CREB5: variants seen among roughly 807,000 people sequenced by gnomAD.
CREB5 encodes the protein cyclic AMP-responsive element-binding protein 5.
Under a neutral mutation model 57.1 loss-of-function variants are expected in CREB5, and 19 were observed. That is an observed-to-expected ratio of 0.33 (90% CI 0.23 to 0.49). The LOEUF (loss-of-function observed/expected upper bound fraction) is 0.49. Among genes scored for constraint, CREB5 ranks in the 20% least tolerant of loss-of-function variants. CREB5 has a pLI of 0.99. For synonymous variants in CREB5, 238 were observed against 238.3 expected (o/e 1.00, Z 0.01); for missense variants, 579 against 671.6 (o/e 0.86, Z 1.52).
chr7:28,314,100 T>C (rs1036389808), intron 1 of CREB5, among the ~76,000 whole-genome samples: 1 of 152,154 alleles, frequency 6.6e-6, no homozygotes, highest in African/African-American at 2.4e-5. Flanking sequence ...TAAGGAAACA[T>C]ATCTATGTTT....
At chr7:28,671,195 G>T (rs1232841158) in intron 5 of CREB5, among the ~76,000 whole-genome samples, 1 of 151,644 alleles carries the variant, frequency 6.6e-6, no homozygotes. Context: ...GGTCAAGGCC[G>T]CAGTGAGCCG....
chr7:28,344,145 G>A (rs1315563819), intron 1 of CREB5, among the ~76,000 whole-genome samples: 1 of 151,666 alleles, frequency 6.6e-6, no homozygotes, highest in Non-Finnish European at 1.5e-5. Flanking sequence ...CCATTCTGTA[G>A]GTTGTCTCTT....
Position 28,307,676 on chromosome 7 carries a change from TG to T in CREB5, c.-25+8236del, listed in dbSNP as rs1785213086. Among the ~76,000 whole-genome samples the T allele has an allele frequency of 1.3e-5, 2 of 152,246 alleles. 1 individual carries two copies. The highest frequency in any genetic ancestry group is 1.3e-4 in the Admixed American group (2 of 15,292). On this transcript the variant is annotated intron_variant, in intron 1 of 9. Coordinates refer to the CREB5 transcript ENST00000396299. ...TTGGACTTAGCTGAGAGCTGAAACC[TG>T]TCATCTCTAGATTTATTAAATTCTT...
rs534040626 is a variant in CREB5 at position 28,440,957 on chromosome 7, T to C, written c.3+28040T>C. ...GGATATATAATGACTTTTGTAAATG[T>C]TTTGGTTTCAATAAAATCCCAAATG... On this transcript the variant is annotated intron_variant, in intron 1 of 10. Transcript: ENST00000357727. 8.6e-4 allele frequency among the ~76,000 whole-genome samples: 130 copies of C among 151,954 alleles called. 1 individual carries two copies. Among genetic ancestry groups the C allele is most frequent in the Admixed American group, 7.2e-3 (110 of 15,288 alleles).
chr7:28,567,278 G>A (rs961087518), intron 4 of CREB5, among the ~76,000 whole-genome samples: 9 of 152,134 alleles, frequency 5.9e-5, no homozygotes, highest in South Asian at 2.1e-4. Flanking sequence ...TAACTGAACC[G>A]TAATTTAACA....
intron 7 of CREB5, among the ~76,000 whole-genome samples, chr7:28,785,913 G>A (rs557909639): frequency 1.3e-5 from 2 of 152,296 alleles, no homozygotes; most frequent in East Asian, 3.9e-4. Flanking sequence ...CCTGTTTAAA[G>A]GGTCATATGG....
intron 1 of CREB5, among the ~76,000 whole-genome samples, chr7:28,314,879 G>A (rs1440382090): frequency 6.6e-6 from 1 of 152,324 alleles, no homozygotes; most frequent in Middle Eastern, 3.4e-3. Context: ...GGGCACATCA[G>A]CGTGTTGAAG....
At chr7:28,723,019 G>A (rs1018112518) in intron 6 of CREB5, among the ~76,000 whole-genome samples, 1 of 152,156 alleles carries the variant, frequency 6.6e-6, no homozygotes, top group Non-Finnish European at 1.5e-5. Context: ...ACTCTTGTTC[G>A]TGAGGTTTCA....
intron 1 of CREB5, among the ~76,000 whole-genome samples, chr7:28,323,629 T>C (rs1360475771): frequency 6.6e-6 from 1 of 152,108 alleles, no homozygotes; most frequent in Non-Finnish European, 1.5e-5. Context: ...ACATCCCTAC[T>C]CTGTCTAGGG....
chr7:28,345,166 T>C (rs1175685447), intron 1 of CREB5, among the ~76,000 whole-genome samples: 1 of 152,046 alleles, frequency 6.6e-6, no homozygotes, highest in Non-Finnish European at 1.5e-5. Context: ...ATAGACCTAA[T>C]AGATATATAC....
At chr7:28,355,263 C>T (rs887156260) in intron 1 of CREB5, among the ~76,000 whole-genome samples, 1 of 152,162 alleles carries the variant, frequency 6.6e-6, no homozygotes, top group African/African-American at 2.4e-5. Flanking sequence ...ATGTGCAGCA[C>T]CTGCTCTGGA....
At chr7:28,560,965 T>TGCGTGC (rs1554344532) in intron 4 of CREB5, among the ~76,000 whole-genome samples, 1 of 36,378 alleles carries the variant, frequency 2.7e-5, no homozygotes, top group African/African-American at 1.3e-4. Context: ...TGTGTGCGTG[T>TGCGTGC]GTGTGTGCGT....
rs1308050615 is a variant in CREB5, at chr7:28,560,923, C to CGTGTGT, written c.292-9441_292-9440insTGTGTG. ...GTGCGCGCGTGCGTGTGCGTGTGTG[C>CGTGTGT]GCGTGCGTGTGTGCGTGCGTGTGTG... On this transcript the variant is annotated intron_variant, in intron 4 of 10. Transcript: ENST00000357727. Among the ~76,000 whole-genome samples the CGTGTGT allele has an allele frequency of 7.1e-4, 14 of 19,846 alleles. 1 individual carries two copies. Among genetic ancestry groups the CGTGTGT allele is most frequent in the African/African-American group, 2.5e-3 (14 of 5,678 alleles). 13.0% of individuals were successfully genotyped at this position (19,846 alleles called of 152,430 possible).
At chr7:28,756,584 C>G (rs1023618695) in intron 7 of CREB5, among the ~76,000 whole-genome samples, 1 of 151,226 alleles carries the variant, frequency 6.6e-6, no homozygotes, top group Non-Finnish European at 1.5e-5. Flanking sequence ...CACATTGAGT[C>G]TAAGTAGCCC....
intron 1 of CREB5, among the ~76,000 whole-genome samples, chr7:28,317,259 C>T (rs975618254): frequency 6.6e-6 from 1 of 152,138 alleles, no homozygotes; most frequent in African/African-American, 2.4e-5. Flanking sequence ...ATGCAGAGAA[C>T]TCTTCATCAG....
At chr7:28,674,146 C>A (rs1023667379) in intron 5 of CREB5, among the ~76,000 whole-genome samples, 4 of 151,934 alleles carry the variant, frequency 2.6e-5, no homozygotes, top group African/African-American at 9.7e-5. Context: ...TTCTTGCCTG[C>A]AAATAAGATC....
At chr7:28,585,614 C>T (rs966176956) in intron 5 of CREB5, among the ~76,000 whole-genome samples, 2 of 152,188 alleles carry the variant, frequency 1.3e-5, no homozygotes, top group Non-Finnish European at 2.9e-5. Flanking sequence ...GAAGCGTCCT[C>T]TGCCTTATTC....
chr7:28,612,868 G>T (rs34589594), intron 5 of CREB5, among the ~76,000 whole-genome samples: 25,271 of 152,032 alleles, frequency 0.17, 2,673 homozygotes, highest in East Asian at 0.37. Flanking sequence ...AGAGTATAAT[G>T]TTTCACATAC....
At chr7:28,532,415 T>C (rs1260090709) in intron 4 of CREB5, among the ~76,000 whole-genome samples, 1 of 152,204 alleles carries the variant, frequency 6.6e-6, no homozygotes, top group East Asian at 1.9e-4. Context: ...TTTGTGGTAA[T>C]TTGTTATGCA....
Sources: gnomAD v4.1 joint callset for allele counts (sites outside exome capture counted in the v4.1 genomes callset) on GRCh38, gnomAD v4.1.1 for gene constraint, MANE v1.5 for transcripts, NCBI Gene and HGNC (gene_info 2026-07-23, HGNC 2026-07-21) for gene names.